CMTM8: variants seen among roughly 807,000 people sequenced by gnomAD.
CMTM8 encodes CKLF like MARVEL transmembrane domain containing 8.
Under a neutral mutation model 18.6 loss-of-function variants are expected in CMTM8, and 12 were observed. The ratio of observed to expected loss-of-function variants is 0.65; its 90% CI spans 0.41 to 1.05. The LOEUF (loss-of-function observed/expected upper bound fraction) is 1.05. Among genes scored for constraint, CMTM8 ranks in the 50% least tolerant of loss-of-function variants. CMTM8 has a pLI of 0.00. For synonymous variants in CMTM8, 87 were observed against 90.6 expected (o/e 0.96, Z 0.23); for missense variants, 217 against 227.2 (o/e 0.95, Z 0.29).
At chr3:32,318,469 G>C (rs1163541474) in intron 1 of CMTM8, among the ~76,000 whole-genome samples, 1 of 152,064 alleles carries the variant, frequency 6.6e-6, no homozygotes, top group Admixed American at 6.6e-5. Flanking sequence ...TTAGGTCTCA[G>C]GAATGGCTGG....
chr3:32,356,829 T>C (rs926018516), intron 1 of CMTM8, among the ~76,000 whole-genome samples: 1 of 152,206 alleles, frequency 6.6e-6, no homozygotes, highest in Non-Finnish European at 1.5e-5. Flanking sequence ...CCCTGATTAG[T>C]ACTAATATTT....
intron 3 of CMTM8, among the ~76,000 whole-genome samples, chr3:32,368,662 A>G (rs1346789974): frequency 6.6e-6 from 1 of 152,022 alleles, no homozygotes; most frequent in Non-Finnish European, 1.5e-5. Flanking sequence ...AAGTCTCACT[A>G]TGTTGCACAG....
chr3:32,319,490 C>T (rs763391406), intron 1 of CMTM8, among the ~76,000 whole-genome samples: 4 of 151,908 alleles, frequency 2.6e-5, no homozygotes, highest in African/African-American at 7.3e-5. Flanking sequence ...GAAAATCTGC[C>T]GTGCTAGGTT....
chr3:32,354,843 G>A (rs1354893794), intron 1 of CMTM8, among the ~76,000 whole-genome samples: 1 of 152,178 alleles, frequency 6.6e-6, no homozygotes, highest in Non-Finnish European at 1.5e-5. Flanking sequence ...TAGATTACCT[G>A]TCAGAGTCAA....
At chr3:32,293,077 G>GTGTGTGTGTATATATA (rs148004069) in intron 1 of CMTM8, among the ~76,000 whole-genome samples, 1 of 145,738 alleles carries the variant, frequency 6.9e-6, no homozygotes, top group East Asian at 2.0e-4. Context: ...ATATGTGTGT[G>GTGTGTGTGTATATATA]TATATATATA....
At chr3:32,269,224 G>A (rs1387089736) in intron 1 of CMTM8, among the ~76,000 whole-genome samples, 1 of 152,130 alleles carries the variant, frequency 6.6e-6, no homozygotes, top group African/African-American at 2.4e-5. Context: ...AGTTTTAGAG[G>A]GGAGAAATGT....
intron 1 of CMTM8, among the ~76,000 whole-genome samples, chr3:32,288,279 A>G (rs946440250): frequency 6.6e-6 from 1 of 152,094 alleles, no homozygotes; most frequent in African/African-American, 2.4e-5. Context: ...AAGAAAATAC[A>G]GCTATCATTT....
intron 1 of CMTM8, among the ~76,000 whole-genome samples, chr3:32,260,814 G>A (rs1167875111): frequency 6.6e-6 from 1 of 151,914 alleles, no homozygotes. Context: ...TTAATTTTGG[G>A]AAAATCATTT....
At chr3:32,318,621 C>T (rs1054191911) in intron 1 of CMTM8, among the ~76,000 whole-genome samples, 3 of 143,760 alleles carry the variant, frequency 2.1e-5, no homozygotes, top group African/African-American at 7.8e-5. Flanking sequence ...GCCTGGAGTG[C>T]GGTGGTGCGA....
rs143704743 is a variant in CMTM8, at chr3:32,291,919, A to T, written c.147+52800A>T. ...AGTTGTGACTAGTTTCATGGCCTGTATTACTGTTGTTTTTTGTTACTTGGT... is the reference window on the plus strand; with the variant it reads ...AGTTGTGACTAGTTTCATGGCCTGTTTTACTGTTGTTTTTTGTTACTTGGT... On this transcript the variant is annotated intron_variant, in intron 1 of 3. Coordinates refer to ENST00000307526, the MANE Select transcript of CMTM8 (RefSeq NM_178868.5). Among the ~76,000 whole-genome samples, 570 of 152,150 alleles carry T rather than the reference A, an allele frequency of 3.7e-3. 2 individuals are homozygous for T. The highest frequency in any genetic ancestry group is 0.012 in the African/African-American group (500 of 41,492).
intron 1 of CMTM8, among the ~76,000 whole-genome samples, chr3:32,268,891 A>G (rs1448889500): frequency 6.6e-6 from 1 of 152,196 alleles, no homozygotes; most frequent in East Asian, 1.9e-4. Flanking sequence ...ATTCAAAATT[A>G]TAACAGGTGC....
intron 1 of CMTM8, among the ~76,000 whole-genome samples, chr3:32,325,116 A>T (rs191145493): frequency 5.9e-5 from 9 of 152,318 alleles, no homozygotes; most frequent in Admixed American, 5.9e-4. Flanking sequence ...AATTAATCCT[A>T]TGCCAAAGTG....
At chr3:32,246,762 G>A (rs556075006) in intron 1 of CMTM8, among the ~76,000 whole-genome samples, 1 of 152,110 alleles carries the variant, frequency 6.6e-6, no homozygotes, top group East Asian at 1.9e-4. Flanking sequence ...GTTTTCTGAG[G>A]ATGATTACTT....
rs1179696452 is a variant in CMTM8 at position 32,357,650 on chromosome 3, G to A, written c.321+104G>A. On this transcript the variant is annotated intron_variant, in intron 2 of 3. Coordinates refer to ENST00000307526, the MANE Select transcript of CMTM8 (RefSeq NM_178868.5). ...CTGTCTCTCTGCCCAGAAAAGGTGGGGCCATACCATGGAGAACTCAACACA... is the reference window on the plus strand; with the variant it reads ...CTGTCTCTCTGCCCAGAAAAGGTGGAGCCATACCATGGAGAACTCAACACA... The A allele has an allele frequency of 3.7e-5, 44 of 1,187,994 alleles. 1 individual carries two copies. In the East Asian group the frequency reaches 1.0e-3, roughly 27 times the overall value. The allele number at this position is 1,187,994 out of a possible 1,614,324, so 73.6% of individuals were successfully genotyped here. A position where few individuals can be genotyped will look rare whatever the true frequency, so the allele number is the denominator to read the frequency against.
Position 32,278,709 on chromosome 3 carries a change from C to A in CMTM8, c.147+39590C>A, listed in dbSNP as rs189717963. The stretch of plus-strand genomic sequence containing the variant: ...GTTAACCATCCTAATATATAAGCTG[C>A]CAATTTTACATAATACCTTTTAGTT... On this transcript the variant is annotated intron_variant, in intron 1 of 3. Transcript: ENST00000307526. Among the ~76,000 whole-genome samples, 10 of 152,312 alleles carry A rather than the reference C, an allele frequency of 6.6e-5. No individual in the cohort carries two copies. The East Asian group carries it at 1.9e-3, about 29-fold the overall frequency.
At chr3:32,287,918 A>G (rs1229090971) in intron 1 of CMTM8, among the ~76,000 whole-genome samples, 1 of 152,196 alleles carries the variant, frequency 6.6e-6, no homozygotes, top group Non-Finnish European at 1.5e-5. Flanking sequence ...CCCTCACAAG[A>G]CAGTATTCCG....
intron 1 of CMTM8, 27 bp from the exon 2 acceptor site, chr3:32,357,346 C>T: frequency 1.9e-6 from 3 of 1,594,902 alleles, no homozygotes; most frequent in Non-Finnish European, 2.6e-6. Flanking sequence ...GTCCCCTCCT[C>T]TCTCCACTGC....
At chr3:32,241,798 C>G (rs1400357884) in intron 1 of CMTM8, among the ~76,000 whole-genome samples, 1 of 152,202 alleles carries the variant, frequency 6.6e-6, no homozygotes, top group Non-Finnish European at 1.5e-5. Context: ...ACAACTGACC[C>G]AGTGCGTAGA....
In CMTM8 at chr3:32,346,516, G is replaced by T. The variant is rs552763514; in HGVS notation, c.148-10857G>T. On this transcript the variant is annotated intron_variant, in intron 1 of 3. Transcript: ENST00000307526. ...GACAGCAGGGTAGGTGTCTGGTGAG[G>T]GCTCTCTCCTTTGGTTGCAGACAGC... Among the ~76,000 whole-genome samples, 26 of 152,276 alleles carry T rather than the reference G, an allele frequency of 1.7e-4. No individual in the cohort carries two copies. The South Asian group carries it at 5.4e-3, about 32-fold the overall frequency.
Sources: gnomAD v4.1 joint callset for allele counts (sites outside exome capture counted in the v4.1 genomes callset) on GRCh38, gnomAD v4.1.1 for gene constraint, MANE v1.5 for transcripts, NCBI Gene and HGNC (gene_info 2026-07-23, HGNC 2026-07-21) for gene names.